Variants in TNR observed in about 807,000 individuals in gnomAD.
The protein encoded by TNR is tenascin R.
TNR carries 45 observed loss-of-function variants against 150.4 expected under a neutral mutation model. The observed-to-expected ratio is 0.30, with a 90% CI of 0.24 to 0.38. The LOEUF is 0.38. Ranked by LOEUF, TNR falls within the 10% of genes least tolerant of loss-of-function variation. TNR has a pLI of 1.00. For missense variants in TNR, 1,544 were observed against 1,759.1 expected (o/e 0.88, Z 2.19); for synonymous variants, 687 against 678.4 (o/e 1.01, Z -0.20).
chr1:175,671,006 G>C (rs1665681359), intron 1 of TNR, among the ~76,000 whole-genome samples: 1 of 152,264 alleles, frequency 6.6e-6, no homozygotes, highest in Admixed American at 6.5e-5. Context: ...GGTGAAGGAT[G>C]ATGATGGCTG....
intron 18 of TNR, among the ~76,000 whole-genome samples, chr1:175,341,990 T>A (rs1195293674): frequency 2.6e-5 from 4 of 152,244 alleles, no homozygotes; most frequent in African/African-American, 9.6e-5. Context: ...GTGAGCCACT[T>A]GGCTTTCTCA....
intron 2 of TNR, among the ~76,000 whole-genome samples, chr1:175,477,611 A>T (rs189500136): frequency 2.6e-5 from 4 of 152,352 alleles, no homozygotes; most frequent in Admixed American, 2.6e-4. Context: ...CCACAATAGA[A>T]ATCATACAAA....
chr1:175,383,794 G>C (rs1459667190), intron 8 of TNR, among the ~76,000 whole-genome samples: 3 of 152,172 alleles, frequency 2.0e-5, no homozygotes, highest in Admixed American at 6.5e-5. Flanking sequence ...TGCCAACCCA[G>C]GCCTGGAGAA....
intron 4 of TNR, among the ~76,000 whole-genome samples, chr1:175,401,885 T>C (rs1653717337): frequency 6.6e-6 from 1 of 152,220 alleles, no homozygotes; most frequent in South Asian, 2.1e-4. Flanking sequence ...CTCTGAGCCC[T>C]GAATGGAAAA....
intron 1 of TNR, among the ~76,000 whole-genome samples, chr1:175,532,770 T>A (rs893438689): frequency 6.6e-6 from 1 of 152,122 alleles, no homozygotes; most frequent in Non-Finnish European, 1.5e-5. Context: ...ATGGCTCGTT[T>A]GTGTGATATT....
At chr1:175,582,311 T>G (rs931651366) in intron 1 of TNR, among the ~76,000 whole-genome samples, 11 of 152,208 alleles carry the variant, frequency 7.2e-5, no homozygotes, top group African/African-American at 2.7e-4. Context: ...TCACTGTAGT[T>G]ATTGCTGCAT....
chr1:175,581,892 G>A (rs565075070), intron 1 of TNR, among the ~76,000 whole-genome samples: 1 of 152,138 alleles, frequency 6.6e-6, no homozygotes, highest in African/African-American at 2.4e-5. Context: ...ACATGCCAGG[G>A]ACTGATAGCA....
chr1:175,548,257 C>T (rs912402534), intron 1 of TNR, among the ~76,000 whole-genome samples: 1 of 152,104 alleles, frequency 6.6e-6, no homozygotes, highest in South Asian at 2.1e-4. Context: ...CTCCACTCTC[C>T]TTTTCCCAGG....
At chr1:175,681,404 C>G (rs1234887652) in intron 1 of TNR, among the ~76,000 whole-genome samples, 2 of 152,126 alleles carry the variant, frequency 1.3e-5, no homozygotes, top group Non-Finnish European at 2.9e-5. Context: ...CAAAGAGAAC[C>G]AAGGGAAGAG....
At chr1:175,331,046 T>TTTCTTTCTTTCTTTCCTTCC (rs1557867536) in intron 20 of TNR, among the ~76,000 whole-genome samples, 1 of 82,898 alleles carries the variant, frequency 1.2e-5, no homozygotes, top group African/African-American at 4.5e-5. Flanking sequence ...TCTTTCTTTC[T>TTTCTTTCTTTCTTTCCTTCC]TTCTTTCTTT....
At chr1:175,431,855 G>A (rs2102071253) in intron 2 of TNR, among the ~76,000 whole-genome samples, 1 of 141,844 alleles carries the variant, frequency 7.1e-6, no homozygotes, top group Admixed American at 7.0e-5. Flanking sequence ...TCACAGGGGT[G>A]GAGGCAGGGG....
At chr1:175,333,676 T>C (rs1650063056) in intron 20 of TNR, among the ~76,000 whole-genome samples, 1 of 152,228 alleles carries the variant, frequency 6.6e-6, no homozygotes. Flanking sequence ...AAGATAAATA[T>C]GAGGTGGTCC....
In TNR at chr1:175,324,514, A is replaced by G. The variant is rs750893920; in HGVS notation, c.3799T>C (p.Ser1267Pro). 1 of 1,613,234 alleles carries G rather than the reference A, an allele frequency of 6.2e-7. No homozygotes were observed. Among genetic ancestry groups the G allele is most frequent in the Non-Finnish European group, 8.5e-7 (1 of 1,179,602 alleles). Residue 1267 changes from serine to proline, a missense_variant, in exon 22 of 23, where the codon TCC (serine) becomes CCC (proline). Ser to Pro is a moderately conservative substitution (Grantham distance 74, BLOSUM62 -1). Around this residue, in one of 2 missense-constraint regions of TNR, gnomAD observed 290 missense variants for 429.7 expected, o/e 0.67. Transcript: ENST00000367674. ...IGSYNGTAGD[S>P]LSYHQGRPFS... ...GGGCGTCCTTGATGATAGCTGAGGGAGTCCCCTGCAAAAAAGATACATTCA... is the reference window on the plus strand; with the variant it reads ...GGGCGTCCTTGATGATAGCTGAGGGGGTCCCCTGCAAAAAAGATACATTCA...
intron 2 of TNR, among the ~76,000 whole-genome samples, chr1:175,414,197 CT>C (rs554603711): frequency 6.3e-4 from 95 of 151,950 alleles, no homozygotes; most frequent in Middle Eastern, 6.8e-3. Context: ...ATTTCTTTTG[CT>C]CATAAGCCAC....
intron 1 of TNR, among the ~76,000 whole-genome samples, chr1:175,646,043 G>A (rs1664801347): frequency 6.6e-6 from 1 of 152,210 alleles, no homozygotes; most frequent in African/African-American, 2.4e-5. Context: ...GCCAAGGCAA[G>A]GAGGTAAGTT....
At chr1:175,603,733 T>A (rs951996682) in intron 1 of TNR, among the ~76,000 whole-genome samples, 1 of 152,170 alleles carries the variant, frequency 6.6e-6, no homozygotes, top group Non-Finnish European at 1.5e-5. Flanking sequence ...AACCCTCTCA[T>A]CAACCCAGTG....
chr1:175,708,594 T>A (rs908524221), intron 1 of TNR, among the ~76,000 whole-genome samples: 9 of 152,070 alleles, frequency 5.9e-5, no homozygotes, highest in Non-Finnish European at 1.2e-4. Flanking sequence ...CATGGAAGGA[T>A]CGTGGAAATA....
rs1658180629 is a variant in TNR, at chr1:175,490,107, AAAAC to A, written c.-64+38158_-64+38161del. ...CATCTGATCTTTGACAAGCCTGACA[AAAAC>A]AAGCAATGGGGAAAAGATTCCCTAT... On this transcript the variant is annotated intron_variant, in intron 2 of 22. Transcript: ENST00000367674. 7.2e-5 allele frequency among the ~76,000 whole-genome samples: 11 copies of A among 152,360 alleles called. 1 individual carries two copies. In the South Asian group the frequency reaches 2.3e-3, roughly 32 times the overall value.
intron 2 of TNR, among the ~76,000 whole-genome samples, chr1:175,432,702 G>A (rs1655331431): frequency 6.6e-6 from 1 of 151,448 alleles, no homozygotes. Flanking sequence ...CTATGGTATT[G>A]TATTAGGAGC....
Sources: gnomAD v4.1 joint callset for allele counts (sites outside exome capture counted in the v4.1 genomes callset) on GRCh38, gnomAD v4.1.1 for gene constraint, gnomAD v4.1.1 regional missense constraint, MANE v1.5 for transcripts, NCBI Gene and HGNC (gene_info 2026-07-23, HGNC 2026-07-21) for gene names.